PDE3B: variants seen among roughly 807,000 people sequenced by gnomAD.
PDE3B encodes the protein cGMP-inhibited 3',5'-cyclic phosphodiesterase 3B.
A neutral mutation model predicts 116.8 loss-of-function variants in PDE3B; 66 were observed. The ratio of observed to expected loss-of-function variants is 0.56; its 90% CI spans 0.46 to 0.69. The LOEUF (loss-of-function observed/expected upper bound fraction) is 0.69, where lower values mean the gene tolerates loss of function less well. Ranked by LOEUF, PDE3B falls within the 30% of genes least tolerant of loss-of-function variation. The pLI is 0.00. For synonymous variants in PDE3B, 595 were observed against 533.6 expected (o/e 1.12, Z -1.59); for missense variants, 1,384 against 1,368.1 (o/e 1.01, Z -0.18).
At chr11:14,755,157 T>C (rs1433436956) in intron 1 of PDE3B, among the ~76,000 whole-genome samples, 2 of 152,234 alleles carry the variant, frequency 1.3e-5, no homozygotes, top group Non-Finnish European at 2.9e-5. Flanking sequence ...CAATGAATGT[T>C]GTTTGAGTCA....
intron 1 of PDE3B, among the ~76,000 whole-genome samples, chr11:14,762,086 C>T (rs560375229): frequency 2.6e-5 from 4 of 151,798 alleles, no homozygotes; most frequent in East Asian, 1.9e-4. Flanking sequence ...CCTGGCAGAT[C>T]GCTTGAGCCC....
chr11:14,759,231 T>G (rs1240903452), intron 1 of PDE3B, among the ~76,000 whole-genome samples: 1 of 152,152 alleles, frequency 6.6e-6, no homozygotes, highest in Non-Finnish European at 1.5e-5. Flanking sequence ...TAAAATTCTC[T>G]TTTTTGGTTG....
At chr11:14,800,388 C>T (rs1026830791) in intron 4 of PDE3B, among the ~76,000 whole-genome samples, 2 of 152,126 alleles carry the variant, frequency 1.3e-5, no homozygotes, top group East Asian at 1.9e-4. Context: ...TTGCTTGAAC[C>T]TGGGAGGCGG....
At position 14,733,306 on chromosome 11, in the gene PDE3B, A is replaced by G. The variant is rs188154572; in HGVS notation, c.979-38631A>G. Among the ~76,000 whole-genome samples the G allele has an allele frequency of 3.3e-4, 50 of 152,308 alleles. No individual in the cohort carries two copies. The East Asian group carries it at 5.2e-3, about 16-fold the overall frequency. ...CCTAGGATGGTCTACAGAAATGACA[A>G]TAAGCTCCGATTCTTATTTTAATTT... On this transcript the variant is annotated intron_variant, in intron 1 of 15. Transcript: ENST00000282096.
At chr11:14,803,099 A>G (rs1306156471) in intron 4 of PDE3B, among the ~76,000 whole-genome samples, 1 of 152,222 alleles carries the variant, frequency 6.6e-6, no homozygotes, top group Non-Finnish European at 1.5e-5. Flanking sequence ...TTAGCAAAGC[A>G]GTGTAAGTTA....
chr11:14,705,209 A>G (rs1855492502), intron 1 of PDE3B, among the ~76,000 whole-genome samples: 2 of 151,808 alleles, frequency 1.3e-5, no homozygotes, highest in Admixed American at 1.3e-4. Context: ...TTCGTCATGC[A>G]TGTTTATAGC....
chr11:14,867,482 T>C (rs1262751937), intron 14 of PDE3B, 24 bp from the exon 15 acceptor site: 13 of 1,602,720 alleles, frequency 8.1e-6, no homozygotes, highest in African/African-American at 4.0e-5. Context: ...GTTAAAAATG[T>C]ACTTTTCTTT....
chr11:14,689,354 G>GAAT (rs1854982995), intron 1 of PDE3B, among the ~76,000 whole-genome samples: 1 of 152,098 alleles, frequency 6.6e-6, no homozygotes, highest in South Asian at 2.1e-4. Flanking sequence ...TGGAAAGAGA[G>GAAT]AATAAGGCTA....
At chr11:14,897,194 AT>A in the PDE3B span, among the ~76,000 whole-genome samples, 2 of 152,228 alleles carry the variant, frequency 1.3e-5, no homozygotes. Context: ...GTGTATATGT[AT>A]TTTTGAAAGA....
intron 1 of PDE3B, among the ~76,000 whole-genome samples, chr11:14,749,180 A>T (rs992758491): frequency 1.3e-5 from 2 of 152,052 alleles, no homozygotes; most frequent in African/African-American, 4.8e-5. Flanking sequence ...TGAGCCATCC[A>T]CGCCTGGCCA....
chr11:14,842,036 C>A (rs1051231271), intron 11 of PDE3B, among the ~76,000 whole-genome samples: 13 of 151,058 alleles, frequency 8.6e-5, no homozygotes, highest in African/African-American at 3.2e-4. Flanking sequence ...GCATGTTTAT[C>A]TTGTTCCCTG....
intron 7 of PDE3B, among the ~76,000 whole-genome samples, chr11:14,829,913 A>C (rs1859817919): frequency 6.6e-6 from 1 of 152,104 alleles, no homozygotes; most frequent in South Asian, 2.1e-4. Context: ...GACCCCTTCC[A>C]ATCATATGCC....
intron 13 of PDE3B, among the ~76,000 whole-genome samples, chr11:14,860,233 T>C (rs1406490705): frequency 2.6e-5 from 4 of 152,220 alleles, no homozygotes; most frequent in African/African-American, 7.2e-5. Flanking sequence ...AATACAATAC[T>C]TTGAATGTGT....
At chr11:14,692,328 TTTAAA>T (rs1855065010) in intron 1 of PDE3B, among the ~76,000 whole-genome samples, 1 of 152,136 alleles carries the variant, frequency 6.6e-6, no homozygotes, top group East Asian at 1.9e-4. Flanking sequence ...TGTTGCATGG[TTTAAA>T]TAAGATTTTG....
the PDE3B span, among the ~76,000 whole-genome samples, chr11:14,878,891 G>A: frequency 6.6e-6 from 1 of 151,998 alleles, no homozygotes; most frequent in Non-Finnish European, 1.5e-5. Flanking sequence ...GAAGCCAGGG[G>A]TTCTCAAAAG....
At chr11:14,773,729 TTTTTGTTG>T (rs1422899081) in intron 2 of PDE3B, 1 of 152,218 alleles carries the variant, frequency 6.6e-6, no homozygotes, top group East Asian at 1.9e-4. Context: ...GGAATTCCTT[TTTTTGTTG>T]TTGTTCCTTC....
chr11:14,722,265 C>G (rs542336166), intron 1 of PDE3B, among the ~76,000 whole-genome samples: 3 of 151,318 alleles, frequency 2.0e-5, no homozygotes, highest in South Asian at 2.1e-4. Flanking sequence ...ACATATGTAA[C>G]AAACCTGCAC....
At chr11:14,688,113 T>TTCTCTCTCTCTCTCTCTCTCTCTCTC (rs35700152) in intron 1 of PDE3B, among the ~76,000 whole-genome samples, 6 of 109,862 alleles carry the variant, frequency 5.5e-5, no homozygotes, top group African/African-American at 1.1e-4. Flanking sequence ...CTCTCTCTCT[T>TTCTCTCTCTCTCTCTCTCTCTCTCTC]TCTCTCTCTC....
chr11:14,723,061 T>C (rs1856170770), intron 1 of PDE3B, among the ~76,000 whole-genome samples: 1 of 152,242 alleles, frequency 6.6e-6, no homozygotes. Context: ...TTTGAATGAA[T>C]GAAAAATAGC....
Sources: gnomAD v4.1 joint callset for allele counts (sites outside exome capture counted in the v4.1 genomes callset) on GRCh38, gnomAD v4.1.1 for gene constraint, MANE v1.5 for transcripts, NCBI Gene and HGNC (gene_info 2026-07-23, HGNC 2026-07-21) for gene names.